RPGRIP1L: variants seen among roughly 807,000 people sequenced by gnomAD.
The protein encoded by RPGRIP1L is RPGRIP1 like.
A neutral mutation model predicts 160.4 loss-of-function variants in RPGRIP1L; 131 were observed. The observed-to-expected ratio is 0.82, with a 90% CI of 0.71 to 0.94. The LOEUF (loss-of-function observed/expected upper bound fraction) is 0.94, where lower values mean the gene tolerates loss of function less well. Ranked by LOEUF, RPGRIP1L falls within the 40% of genes least tolerant of loss-of-function variation. The pLI is 0.00. For missense variants in RPGRIP1L, 1,522 were observed against 1,535.8 expected (o/e 0.99, Z 0.15); for synonymous variants, 510 against 515.8 (o/e 0.99, Z 0.15).
chr16:53,601,834 A>C lies in RPGRIP1L; in HGVS notation c.*242T>G. The C allele has an allele frequency of 2.2e-6, 1 of 461,648 alleles. No individual in the cohort carries two copies. The highest frequency in any genetic ancestry group is 3.4e-5 in the Admixed American group (1 of 29,670). The allele number at this position is 461,648 out of a possible 1,614,324, so 28.6% of individuals were successfully genotyped here. ...TATCACGTAGGTATAAATTATTGAGAAGGTACTGCCCATTATGGAGAACTT... is the reference window on the plus strand; with the variant it reads ...TATCACGTAGGTATAAATTATTGAGCAGGTACTGCCCATTATGGAGAACTT... On this transcript the variant is annotated 3_prime_UTR_variant, in exon 27 of 27. Transcript: ENST00000647211.
At chr16:53,686,993 T>G (rs866368517) in intron 5 of RPGRIP1L, among the ~76,000 whole-genome samples, 1 of 152,154 alleles carries the variant, frequency 6.6e-6, no homozygotes, top group South Asian at 2.1e-4. Flanking sequence ...CTTAGTGGTC[T>G]CTGGCATGCA....
intron 10 of RPGRIP1L, among the ~76,000 whole-genome samples, chr16:53,662,029 G>C (rs1369434319): frequency 2.6e-5 from 4 of 152,048 alleles, no homozygotes; most frequent in Non-Finnish European, 5.9e-5. Flanking sequence ...AATTATAATA[G>C]GCAAAATCAA....
Position 53,648,875 on chromosome 16 carries a change from G to C in RPGRIP1L, c.2304+89C>G, listed in dbSNP as rs907042471. On this transcript the variant is annotated intron_variant, in intron 16 of 26. Transcript: ENST00000647211. ...TTAAAAAAAGACACTTGATGGCTGT[G>C]AAAATGATTTTAGTTTAAAGCACGA... 11 of 1,218,466 alleles carry C rather than the reference G, an allele frequency of 9.0e-6. No homozygotes were observed. The African/African-American group carries it at 1.5e-4, about 17-fold the overall frequency. The allele number at this position is 1,218,466 out of a possible 1,614,324, so 75.5% of individuals were successfully genotyped here.
rs1436816285 is a variant in RPGRIP1L at position 53,615,470 on chromosome 16, A to ATT, written c.3616+3554_3616+3555insAA. On this transcript the variant is annotated intron_variant, in intron 24 of 26. Coordinates refer to ENST00000647211, the MANE Select transcript of RPGRIP1L (RefSeq NM_015272.5). ...TCTAAGAATATATATATATATATATATATTTTTTTTTTTTTTTTTTTGAGA... is the reference window on the plus strand; with the variant it reads ...TCTAAGAATATATATATATATATATATTTATTTTTTTTTTTTTTTTTTTGAGA... Among the ~76,000 whole-genome samples the ATT allele has an allele frequency of 6.8e-3, 577 of 85,144 alleles. 24 individuals are homozygous for ATT. Among genetic ancestry groups the ATT allele is most frequent in the African/African-American group, 0.026 (516 of 19,748 alleles). The allele number at this position is 85,144 out of a possible 152,430, so 55.9% of individuals were successfully genotyped here.
intron 6 of RPGRIP1L, among the ~76,000 whole-genome samples, chr16:53,680,143 T>A (rs1567873064): frequency 6.6e-6 from 1 of 152,170 alleles, no homozygotes; most frequent in Non-Finnish European, 1.5e-5. Context: ...GAGGCTATGT[T>A]AAGTCACTAT....
chr16:53,622,390 A>T, intron 22 of RPGRIP1L, 34 bp from the exon 23 acceptor site: 1 of 604,200 alleles, frequency 1.7e-6, no homozygotes, highest in Non-Finnish European at 3.0e-6. Flanking sequence ...TCTTAAGATT[A>T]AGAAGCACAT....
At chr16:53,604,761 A>G (rs1963568352) in intron 26 of RPGRIP1L, among the ~76,000 whole-genome samples, 1 of 152,222 alleles carries the variant, frequency 6.6e-6, no homozygotes, top group Non-Finnish European at 1.5e-5. Context: ...CATTATCAGG[A>G]TCACTCAGAA....
chr16:53,647,544 C>A (rs1966640441), intron 16 of RPGRIP1L, among the ~76,000 whole-genome samples: 1 of 152,178 alleles, frequency 6.6e-6, no homozygotes. Context: ...CTCCTGATCT[C>A]AGAGGGCAGA....
At chr16:53,693,562 T>A (rs1478429465) in intron 3 of RPGRIP1L, 1 of 152,256 alleles carries the variant, frequency 6.6e-6, no homozygotes, top group African/African-American at 2.4e-5. Context: ...GATTGTTTTC[T>A]CTTTCCCTTG....
intron 25 of RPGRIP1L, 122 bp from the exon 26 acceptor site, chr16:53,605,736 A>T: frequency 1.0e-6 from 1 of 981,458 alleles, no homozygotes; most frequent in Non-Finnish European, 1.6e-6. Context: ...TATCCCAATA[A>T]AAAGAAAGGT....
intron 9 of RPGRIP1L, among the ~76,000 whole-genome samples, chr16:53,668,066 CTT>C (rs71144002): frequency 2.1e-5 from 3 of 143,992 alleles, no homozygotes; most frequent in Non-Finnish European, 1.5e-5. Flanking sequence ...TCTCTGTCTC[CTT>C]TTTTTTTTTT....
intron 1 of RPGRIP1L, among the ~76,000 whole-genome samples, chr16:53,702,687 C>CTT (rs576871805): frequency 3.0e-4 from 43 of 141,658 alleles, no homozygotes; most frequent in East Asian, 8.2e-4. Context: ...CTTTTCTTTT[C>CTT]TTTTTTTTTT....
At chr16:53,602,533 T>G (rs1598198521) in intron 26 of RPGRIP1L, among the ~76,000 whole-genome samples, 1 of 152,078 alleles carries the variant, frequency 6.6e-6, no homozygotes, top group Non-Finnish European at 1.5e-5. Flanking sequence ...CTCAGCACTT[T>G]GGGAGGCCGA....
Position 53,672,996 on chromosome 16 carries a change from G to A in RPGRIP1L, c.903C>T (p.Ile301=), listed in dbSNP as rs1240279456. ...QLQEKQRTLR[I]SHDALMANGD... ...CATTTGCCATCAAAGCATCGTGGCT[G>A]ATTCTGAGAGTTCTTTGCTTCTAAA... Residue 301 remains isoleucine (I), a synonymous_variant, in exon 8 of 27, where the codon ATC becomes ATT. Coordinates refer to ENST00000647211, the MANE Select transcript of RPGRIP1L (RefSeq NM_015272.5). The A allele has an allele frequency of 6.2e-7, 1 of 1,612,996 alleles. No individual in the cohort carries two copies. Among genetic ancestry groups the A allele is most frequent in the Admixed American group, 1.7e-5 (1 of 59,932 alleles).
Position 53,675,412 on chromosome 16 carries a change from T to A in RPGRIP1L, c.777-290A>T, listed in dbSNP as rs79980281. On this transcript the variant is annotated intron_variant, in intron 6 of 26. Coordinates refer to ENST00000647211, the MANE Select transcript of RPGRIP1L (RefSeq NM_015272.5). The stretch of plus-strand genomic sequence containing the variant: ...TACAATTGATAATATGGATTTAAAA[T>A]CATTTTATAGTATCCTGAAAGATGG... 2.3e-3 allele frequency among the ~76,000 whole-genome samples: 352 copies of A among 152,240 alleles called. 3 individuals carry two copies. In the East Asian group the frequency reaches 0.024, roughly 10 times the overall value.
At chr16:53,621,940 G>A (rs1275199332) in intron 23 of RPGRIP1L, among the ~76,000 whole-genome samples, 1 of 138,632 alleles carries the variant, frequency 7.2e-6, no homozygotes, top group Non-Finnish European at 1.5e-5. Context: ...GGGGAATGGC[G>A]TGAACCCAGG....
rs757684695 is a variant in RPGRIP1L at position 53,645,856 on chromosome 16, T to C, written c.2452A>G (p.Lys818Glu). Residue 818 changes from lysine (K) to glutamate (E), a missense_variant, in exon 17 of 27, where the codon AAG becomes GAG. Coordinates refer to ENST00000647211, the MANE Select transcript of RPGRIP1L (RefSeq NM_015272.5). ...HLQPHPYVVY[K>E]FFDFADHDTA... ...TCATGGTCTGCAAAATCAAAAAACT[T>C]GTACACAACATATGGGTGTGGCTGC... 1.2e-6 allele frequency: 2 copies of C among 1,614,112 alleles called. No individual in the cohort carries two copies. Among genetic ancestry groups the C allele is most frequent in the Non-Finnish European group, 8.5e-7 (1 of 1,180,026 alleles).
chr16:53,602,841 T>C (rs1963454767), intron 26 of RPGRIP1L, among the ~76,000 whole-genome samples: 1 of 152,144 alleles, frequency 6.6e-6, no homozygotes, highest in Non-Finnish European at 1.5e-5. Context: ...TGATAATCTA[T>C]ACAGTGTTTC....
intron 7 of RPGRIP1L, among the ~76,000 whole-genome samples, 158 bp from the exon 8 acceptor site, chr16:53,673,174 G>C (rs1968884524): frequency 6.6e-6 from 1 of 152,146 alleles, no homozygotes; most frequent in Admixed American, 6.6e-5. Context: ...ATGTATACGT[G>C]CTACTTATCC....
Sources: allele counts gnomAD v4.1 joint callset (sites outside exome capture counted in the v4.1 genomes callset), GRCh38; gene constraint gnomAD v4.1.1; transcripts MANE v1.5; gene names NCBI Gene and HGNC (gene_info 2026-07-23, HGNC 2026-07-21).